Variants in IRGM observed in about 807,000 individuals in gnomAD.
The protein encoded by IRGM is immunity-related GTPase family M protein.
For missense variants in IRGM, 288 were observed against 219.9 expected (o/e 1.31, Z -1.96); for synonymous variants, 98 against 80.6 (o/e 1.22, Z -1.16).
chr5:150,889,913 T>C (rs1754582826), intron 3 of IRGM, among the ~76,000 whole-genome samples: 1 of 152,244 alleles, frequency 6.6e-6, no homozygotes, highest in Admixed American at 6.5e-5. Flanking sequence ...CCTTTTTATA[T>C]AATGTGATAT....
intron 3 of IRGM, chr5:150,897,919 C>G: frequency 1.1e-6 from 1 of 906,668 alleles, no homozygotes; most frequent in Non-Finnish European, 1.6e-6. Flanking sequence ...AAATAGAACT[C>G]CTCTGAAAGG....
At chr5:150,884,355 A>G (rs1370241373) in intron 3 of IRGM, among the ~76,000 whole-genome samples, 3 of 152,034 alleles carry the variant, frequency 2.0e-5, no homozygotes. Context: ...TGTCTTTGCT[A>G]TTGTGAGTAG....
chr5:150,878,160 G>A (rs80213358), intron 2 of IRGM: 17,952 of 391,028 alleles, frequency 0.046, 639 homozygotes, highest in East Asian at 0.19. Context: ...TTAAAGTTTG[G>A]AAATAGTAAA....
intron 3 of IRGM, chr5:150,898,552 C>A (rs1422140928): frequency 6.3e-7 from 1 of 1,599,256 alleles, no homozygotes; most frequent in Non-Finnish European, 8.5e-7. Flanking sequence ...ATGATACTAA[C>A]CCCTGTAATA....
At chr5:150,876,295 A>C (rs1418678281) in intron 1 of IRGM, among the ~76,000 whole-genome samples, 1 of 152,184 alleles carries the variant, frequency 6.6e-6, no homozygotes, top group East Asian at 1.9e-4. Flanking sequence ...AAGGGGTGGA[A>C]GTGGAAGTGG....
intron 3 of IRGM, among the ~76,000 whole-genome samples, chr5:150,883,770 C>A (rs984858904): frequency 2.6e-5 from 4 of 151,796 alleles, no homozygotes; most frequent in African/African-American, 7.3e-5. Context: ...CAAAGAAAAG[C>A]CCAGGACCTG....
chr5:150,892,146 A>G (rs940675147), intron 3 of IRGM, among the ~76,000 whole-genome samples: 1 of 152,132 alleles, frequency 6.6e-6, no homozygotes, highest in Non-Finnish European at 1.5e-5. Flanking sequence ...ATTTTTGAAC[A>G]CTAAAACATA....
intron 3 of IRGM, among the ~76,000 whole-genome samples, chr5:150,887,678 T>C (rs1342042260): frequency 7.7e-5 from 11 of 142,960 alleles, no homozygotes; most frequent in African/African-American, 2.5e-4. Flanking sequence ...AAAAAAAGAC[T>C]GTTAAAGGCA....
rs935060871 is a variant in IRGM at position 150,859,821 on chromosome 5, C to T, written c.158+11167C>T. Among the ~76,000 whole-genome samples, 7 of 151,968 alleles carry T rather than the reference C, an allele frequency of 4.6e-5. No individual in the cohort carries two copies. The East Asian group carries it at 1.2e-3, about 25-fold the overall frequency. ...CATCTATTTGATTCTTCTCTCTTTT[C>T]TTCTTTATTAGTCTTGCTAGCGGTC... On this transcript the variant is annotated intron_variant and NMD_transcript_variant, in intron 1 of 3. Coordinates refer to the IRGM transcript ENST00000520549.
At chr5:150,900,954 A>G (rs972176029), downstream of IRGM, among the ~76,000 whole-genome samples, 2 of 152,122 alleles carry the variant, frequency 1.3e-5, no homozygotes, top group Non-Finnish European at 2.9e-5. Flanking sequence ...GTACATAATC[A>G]GTGAAAAATT....
chr5:150,885,326 T>C (rs1490399843), intron 3 of IRGM, among the ~76,000 whole-genome samples: 1 of 149,456 alleles, frequency 6.7e-6, no homozygotes, highest in Non-Finnish European at 1.5e-5. Context: ...AGCACTGTAG[T>C]ATAGTTTGAA....
At chr5:150,880,992 T>C (rs946669982) in intron 3 of IRGM, among the ~76,000 whole-genome samples, 2 of 152,038 alleles carry the variant, frequency 1.3e-5, no homozygotes, top group Admixed American at 1.3e-4. Context: ...CCTGGCGTGG[T>C]GGCACATGCC....
chr5:150,864,229 C>G (rs569339033), intron 1 of IRGM, among the ~76,000 whole-genome samples: 5 of 152,140 alleles, frequency 3.3e-5, no homozygotes, highest in African/African-American at 1.2e-4. Context: ...GCCAGCCAGA[C>G]GCTTGACCTT....
Position 150,888,627 on chromosome 5 carries a change from A to G in IRGM, c.*140+8981A>G, listed in dbSNP as rs537917293. Among the ~76,000 whole-genome samples, 4 of 147,350 alleles carry G rather than the reference A, an allele frequency of 2.7e-5. No homozygotes were observed. The South Asian group carries it at 6.4e-4, about 24-fold the overall frequency. ...AAACACACTCTCAGACCACAGAATA[A>G]TAAAAATAGGAGTCAAGACTGAGAA... On this transcript the variant is annotated intron_variant and NMD_transcript_variant, in intron 3 of 3. Coordinates refer to the IRGM transcript ENST00000520549.
intron 3 of IRGM, chr5:150,896,860 C>T: frequency 6.2e-7 from 1 of 1,613,696 alleles, no homozygotes; most frequent in Non-Finnish European, 8.5e-7. Flanking sequence ...CCTTGACAGA[C>T]TTTTAAAATG....
chr5:150,857,076 C>A (rs1320293660), intron 1 of IRGM, among the ~76,000 whole-genome samples: 1 of 151,654 alleles, frequency 6.6e-6, no homozygotes. Context: ...TGCTATCCCT[C>A]CCTCCTCCCC....
intron 1 of IRGM, among the ~76,000 whole-genome samples, chr5:150,873,978 A>C (rs1002129292): frequency 2.6e-5 from 4 of 152,202 alleles, no homozygotes; most frequent in Non-Finnish European, 5.9e-5. Flanking sequence ...GATCTTGGAG[A>C]ATGACAGTGG....
At chr5:150,849,710 G>A (rs1165232680), downstream of IRGM, among the ~76,000 whole-genome samples, 2 of 150,132 alleles carry the variant, frequency 1.3e-5, no homozygotes, top group Non-Finnish European at 3.0e-5. Context: ...GGGTTCAAGC[G>A]ATTCTCTTGC....
intron 1 of IRGM, among the ~76,000 whole-genome samples, chr5:150,859,352 C>T (rs1754103174): frequency 6.6e-6 from 1 of 152,186 alleles, no homozygotes; most frequent in Non-Finnish European, 1.5e-5. Context: ...AGGATTTTTG[C>T]ATCGATGTTC....
Sources: gnomAD v4.1 joint callset for allele counts (sites outside exome capture counted in the v4.1 genomes callset) on GRCh38, gnomAD v4.1.1 for gene constraint, MANE v1.5 for transcripts, NCBI Gene and HGNC (gene_info 2026-07-23, HGNC 2026-07-21) for gene names.